MYZAP: variants seen among roughly 807,000 people sequenced by gnomAD.
The protein encoded by MYZAP is myocardial zonula adherens protein.
In MYZAP, 66 loss-of-function variants were observed where a neutral mutation model predicts 69.4. That is an observed-to-expected ratio of 0.95 (90% CI 0.78 to 1.17). The LOEUF is 1.17. Ranked by LOEUF, MYZAP falls within the 50% of genes most tolerant of loss-of-function variation. The probability of loss-of-function intolerance (pLI) is 0.00; values close to 1 mark genes in which losing one functional copy is unlikely to be tolerated. For missense variants in MYZAP, 611 were observed against 556.2 expected (o/e 1.10, Z -0.99); for synonymous variants, 256 against 205.9 (o/e 1.24, Z -2.09).
At chr15:57,618,500 A>G (rs1428966955) in intron 3 of MYZAP, among the ~76,000 whole-genome samples, 2 of 152,162 alleles carry the variant, frequency 1.3e-5, no homozygotes, top group African/African-American at 4.8e-5. Flanking sequence ...TGCACTTACC[A>G]GTCCCACATT....
At chr15:57,618,876 A>T (rs1451702674) in intron 3 of MYZAP, among the ~76,000 whole-genome samples, 2 of 152,288 alleles carry the variant, frequency 1.3e-5, no homozygotes, top group South Asian at 4.2e-4. Flanking sequence ...TATATGGAAG[A>T]GGAGATGGCC....
intron 10 of MYZAP, among the ~76,000 whole-genome samples, chr15:57,651,668 G>A (rs1398572246): frequency 6.6e-6 from 1 of 152,206 alleles, no homozygotes; most frequent in Non-Finnish European, 1.5e-5. Flanking sequence ...GGGAGTGAAT[G>A]AATGATGAAA....
chr15:57,621,410 C>T (rs1300687924), intron 3 of MYZAP, among the ~76,000 whole-genome samples, 198 bp from the exon 4 acceptor site: 1 of 151,980 alleles, frequency 6.6e-6, no homozygotes, highest in Non-Finnish European at 1.5e-5. Flanking sequence ...GACGGGGTTT[C>T]ACCATGTCAG....
chr15:57,594,825 A>G (rs1369106470), intron 1 of MYZAP, among the ~76,000 whole-genome samples: 1 of 152,246 alleles, frequency 6.6e-6, no homozygotes, highest in African/African-American at 2.4e-5. Flanking sequence ...TCCTGAAAGT[A>G]AAATTGTAGA....
chr15:57,598,401 C>G (rs1289190948), intron 1 of MYZAP, among the ~76,000 whole-genome samples: 3 of 152,210 alleles, frequency 2.0e-5, no homozygotes, highest in Non-Finnish European at 4.4e-5. Context: ...TATATTCTTA[C>G]TTTGTTTTAG....
intron 11 of MYZAP, among the ~76,000 whole-genome samples, chr15:57,669,690 C>T (rs1290262513): frequency 2.6e-5 from 4 of 152,256 alleles, no homozygotes; most frequent in Admixed American, 6.5e-5. Context: ...TTCGGGATTA[C>T]TTTGCTCTTC....
intron 10 of MYZAP, among the ~76,000 whole-genome samples, chr15:57,653,016 G>A (rs1330762759): frequency 6.6e-6 from 1 of 152,028 alleles, no homozygotes; most frequent in Non-Finnish European, 1.5e-5. Flanking sequence ...TTTTCAATGT[G>A]AAATGAATTA....
At chr15:57,627,907 G>C (rs1454860984) in intron 5 of MYZAP, among the ~76,000 whole-genome samples, 2 of 152,172 alleles carry the variant, frequency 1.3e-5, no homozygotes, top group Non-Finnish European at 2.9e-5. Flanking sequence ...AAGCTCAAAT[G>C]TTCTGTGACT....
At chr15:57,670,776 T>C (rs2038831302) in intron 11 of MYZAP, among the ~76,000 whole-genome samples, 1 of 152,112 alleles carries the variant, frequency 6.6e-6, no homozygotes, top group Non-Finnish European at 1.5e-5. Context: ...TTCTCTAATA[T>C]GTTGGTGGTT....
At chr15:57,664,038 T>G (rs2038444506) in intron 11 of MYZAP, among the ~76,000 whole-genome samples, 1 of 151,362 alleles carries the variant, frequency 6.6e-6, no homozygotes, top group South Asian at 2.1e-4. Context: ...ATATCATGGG[T>G]TTTAATTTAT....
intron 10 of MYZAP, among the ~76,000 whole-genome samples, chr15:57,659,926 T>C (rs1209566879): frequency 6.6e-6 from 1 of 152,192 alleles, no homozygotes; most frequent in Non-Finnish European, 1.5e-5. Flanking sequence ...TATTAATAAT[T>C]AGGGTTCATT....
chr15:57,677,409 T>C (rs1302772581), intron 12 of MYZAP, among the ~76,000 whole-genome samples: 1 of 152,184 alleles, frequency 6.6e-6, no homozygotes, highest in Non-Finnish European at 1.5e-5. Flanking sequence ...GATCAAGTGA[T>C]TCACTGGAAG....
chr15:57,645,939 G>A (rs1430599272), intron 10 of MYZAP, among the ~76,000 whole-genome samples: 1 of 152,216 alleles, frequency 6.6e-6, no homozygotes, highest in Admixed American at 6.5e-5. Context: ...TCAGTCATTT[G>A]CTGGCACACA....
chr15:57,647,290 G>A (rs1595906963), intron 10 of MYZAP: 5 of 985,406 alleles, frequency 5.1e-6, no homozygotes, highest in Non-Finnish European at 6.0e-6. Context: ...GCTGTGTTTA[G>A]ACACAGATCC....
At chr15:57,659,608 C>T (rs192494916) in intron 10 of MYZAP, among the ~76,000 whole-genome samples, 1 of 152,286 alleles carries the variant, frequency 6.6e-6, no homozygotes, top group Admixed American at 6.5e-5. Context: ...TGAGAGATTA[C>T]TTTGCAGCTC....
intron 2 of MYZAP, among the ~76,000 whole-genome samples, chr15:57,616,497 G>A (rs1449178213): frequency 2.0e-5 from 3 of 152,160 alleles, no homozygotes; most frequent in Non-Finnish European, 4.4e-5. Context: ...AATTAGTTGG[G>A]CGTGGTGGCG....
intron 10 of MYZAP, among the ~76,000 whole-genome samples, chr15:57,655,261 G>T (rs1472610203): frequency 6.6e-6 from 1 of 152,148 alleles, no homozygotes; most frequent in African/African-American, 2.4e-5. Flanking sequence ...CAGCCTGTGT[G>T]TTCAAAGTCC....
intron 12 of MYZAP, among the ~76,000 whole-genome samples, chr15:57,680,515 A>ACACACACACACG (rs796592403): frequency 0.02 from 2,996 of 150,096 alleles, 123 homozygotes; most frequent in African/African-American, 0.07. Flanking sequence ...ACACACACAC[A>ACACACACACACG]CAAATGTATG....
At chr15:57,611,485 C>A (rs1306044016) in intron 2 of MYZAP, among the ~76,000 whole-genome samples, 1 of 152,102 alleles carries the variant, frequency 6.6e-6, no homozygotes. Flanking sequence ...TAGGCCTAAG[C>A]AACTATTGTC....
Sources: allele counts gnomAD v4.1 joint callset (sites outside exome capture counted in the v4.1 genomes callset), GRCh38; gene constraint gnomAD v4.1.1; transcripts MANE v1.5; gene names NCBI Gene and HGNC (gene_info 2026-07-23, HGNC 2026-07-21).